AGBL1: variants seen among roughly 807,000 people sequenced by gnomAD.
AGBL1 encodes cytosolic carboxypeptidase 4.
A neutral mutation model predicts 118.9 loss-of-function variants in AGBL1; 130 were observed. The ratio of observed to expected loss-of-function variants is 1.09; its 90% CI spans 0.95 to 1.26. The LOEUF (loss-of-function observed/expected upper bound fraction) is 1.26. Among genes scored for constraint, AGBL1 ranks in the 50% most tolerant of loss-of-function variants. AGBL1 has a pLI of 0.00. For missense variants in AGBL1, 1,584 were observed against 1,298.1 expected, an observed-to-expected ratio of 1.22 and a Z score of -3.38; for synonymous variants, 555 against 478.9, an observed-to-expected ratio of 1.16 and a Z score of -2.08.
intron 18 of AGBL1, among the ~76,000 whole-genome samples, chr15:86,430,757 G>A (rs2081926503): frequency 6.6e-6 from 1 of 152,152 alleles, no homozygotes; most frequent in Non-Finnish European, 1.5e-5. Flanking sequence ...TTTTAGTGGG[G>A]CTTTGAGAGA....
chr15:86,119,972 C>T (rs1897995601), intron 1 of AGBL1, among the ~76,000 whole-genome samples: 1 of 152,136 alleles, frequency 6.6e-6, no homozygotes, highest in Non-Finnish European at 1.5e-5. Flanking sequence ...ACTCGATTTC[C>T]ATTCATTCAT....
chr15:86,665,323 C>G (rs370670551), intron 21 of AGBL1, among the ~76,000 whole-genome samples: 184 of 80,584 alleles, frequency 2.3e-3, no homozygotes, highest in African/African-American at 7.3e-3. Flanking sequence ...TTAAGGCTTT[C>G]GAAATACACT....
chr15:86,193,165 C>G (rs1028461382), intron 5 of AGBL1, among the ~76,000 whole-genome samples: 3 of 152,134 alleles, frequency 2.0e-5, no homozygotes, highest in Non-Finnish European at 4.4e-5. Context: ...CAGATGGGAA[C>G]AGTTTCCTTG....
intron 22 of AGBL1, among the ~76,000 whole-genome samples, chr15:86,810,091 CAAA>C (rs2078767968): frequency 6.6e-6 from 1 of 152,054 alleles, no homozygotes; most frequent in African/African-American, 2.4e-5. Flanking sequence ...CAGTATGCCT[CAAA>C]TAAGTTCAAA....
chr15:86,572,196 C>CT (rs1163729310), intron 21 of AGBL1, among the ~76,000 whole-genome samples: 1 of 152,048 alleles, frequency 6.6e-6, no homozygotes, highest in Non-Finnish European at 1.5e-5. Flanking sequence ...GAAGTGCCGG[C>CT]TCCCTTCCTG....
At chr15:86,305,828 C>T (rs2079831502) in intron 17 of AGBL1, among the ~76,000 whole-genome samples, 1 of 152,080 alleles carries the variant, frequency 6.6e-6, no homozygotes, top group Admixed American at 6.6e-5. Flanking sequence ...TCTGTGACTT[C>T]CTTTGGAAAT....
chr15:87,017,832 G>A (rs2081622553), intron 24 of AGBL1, among the ~76,000 whole-genome samples: 1 of 152,068 alleles, frequency 6.6e-6, no homozygotes, highest in Non-Finnish European at 1.5e-5. Flanking sequence ...TTCAGAAGGT[G>A]GATAATAATA....
At chr15:86,439,722 T>C (rs2082039009) in intron 18 of AGBL1, among the ~76,000 whole-genome samples, 1 of 152,184 alleles carries the variant, frequency 6.6e-6, no homozygotes, top group Non-Finnish European at 1.5e-5. Context: ...TGGTATTTTC[T>C]TGTGGTTCTC....
chr15:86,213,511 G>A (rs1443929154), intron 5 of AGBL1, among the ~76,000 whole-genome samples: 1 of 152,108 alleles, frequency 6.6e-6, no homozygotes, highest in African/African-American at 2.4e-5. Context: ...AAAACTCTGT[G>A]TTTTAACAAG....
intron 18 of AGBL1, among the ~76,000 whole-genome samples, chr15:86,474,902 A>T (rs2082534618): frequency 6.6e-6 from 1 of 152,244 alleles, no homozygotes; most frequent in African/African-American, 2.4e-5. Flanking sequence ...TCAGGCAGCA[A>T]CATTTGCTGT....
intron 5 of AGBL1, among the ~76,000 whole-genome samples, chr15:86,223,506 T>C (rs1330080898): frequency 1.3e-5 from 2 of 152,214 alleles, no homozygotes; most frequent in African/African-American, 4.8e-5. Flanking sequence ...CTTCCATGTG[T>C]TCCGTTTTCA....
chr15:87,031,068 T>A (rs2081778040), downstream of AGBL1, among the ~76,000 whole-genome samples: 1 of 152,076 alleles, frequency 6.6e-6, no homozygotes, highest in African/African-American at 2.4e-5. Context: ...CAAACATATT[T>A]GCCTACTTCT....
chr15:86,632,001 G>T (rs1419990719), intron 21 of AGBL1, among the ~76,000 whole-genome samples: 1 of 150,834 alleles, frequency 6.6e-6, no homozygotes, highest in South Asian at 2.1e-4. Flanking sequence ...AGCAGTCTGC[G>T]CAAGCCTAGG....
At chr15:86,677,206 C>A (rs921738950) in intron 22 of AGBL1, among the ~76,000 whole-genome samples, 2 of 152,164 alleles carry the variant, frequency 1.3e-5, no homozygotes, top group South Asian at 2.1e-4. Context: ...TACTCAATAT[C>A]CACAGAGCAA....
chr15:86,720,377 C>A (rs1211926248), intron 22 of AGBL1, among the ~76,000 whole-genome samples: 1 of 152,168 alleles, frequency 6.6e-6, no homozygotes, highest in African/African-American at 2.4e-5. Context: ...TTCCTAGCCT[C>A]AAAATATATC....
intron 21 of AGBL1, chr15:86,556,217 G>T: frequency 6.2e-7 from 1 of 1,611,416 alleles, no homozygotes; most frequent in Non-Finnish European, 8.5e-7. Flanking sequence ...ACTCTCTACT[G>T]TGCAGTGTAC....
intron 22 of AGBL1, among the ~76,000 whole-genome samples, chr15:86,868,412 C>A (rs974235739): frequency 2.0e-5 from 3 of 152,158 alleles, no homozygotes; most frequent in African/African-American, 7.2e-5. Flanking sequence ...ATTAGAAAAT[C>A]CTTTATGACT....
intron 22 of AGBL1, among the ~76,000 whole-genome samples, chr15:86,701,775 C>A (rs1179972082): frequency 6.8e-6 from 1 of 147,914 alleles, no homozygotes; most frequent in African/African-American, 2.5e-5. Flanking sequence ...CCTTTCACTC[C>A]TCTCCCCTCC....
At chr15:86,303,301 A>G (rs915400631) in intron 17 of AGBL1, among the ~76,000 whole-genome samples, 6 of 152,168 alleles carry the variant, frequency 3.9e-5, no homozygotes, top group African/African-American at 1.4e-4. Flanking sequence ...TTGTTGGTCA[A>G]CTAAGTGGGT....
Sources: gnomAD v4.1 joint callset for allele counts (sites outside exome capture counted in the v4.1 genomes callset) on GRCh38, gnomAD v4.1.1 for gene constraint, MANE v1.5 for transcripts, NCBI Gene and HGNC (gene_info 2026-07-23, HGNC 2026-07-21) for gene names.